GRHL2: variants seen among roughly 807,000 people sequenced by gnomAD.
The protein encoded by GRHL2 is grainyhead-like protein 2 homolog.
In GRHL2, 21 loss-of-function variants were observed where a neutral mutation model predicts 83.8. The observed-to-expected ratio is 0.25, with a 90% CI of 0.18 to 0.36. The LOEUF (loss-of-function observed/expected upper bound fraction) is 0.36, where lower values mean the gene tolerates loss of function less well. Ranked by LOEUF, GRHL2 falls within the 10% of genes least tolerant of loss-of-function variation. The probability of loss-of-function intolerance (pLI) is 1.00; values close to 1 mark genes in which losing one functional copy is unlikely to be tolerated. For synonymous variants in GRHL2, 280 were observed against 278.9 expected (o/e 1.00, Z -0.04); for missense variants, 623 against 781.8 (o/e 0.80, Z 2.42).
chr8:101,532,716 T>G (rs945606548), intron 1 of GRHL2, among the ~76,000 whole-genome samples: 2 of 148,910 alleles, frequency 1.3e-5, no homozygotes, highest in African/African-American at 2.5e-5. Context: ...ATCATGCCAC[T>G]GCACTCCAGC....
chr8:101,512,152 C>CA (rs1257254124), intron 1 of GRHL2, among the ~76,000 whole-genome samples: 16 of 141,154 alleles, frequency 1.1e-4, no homozygotes, highest in Admixed American at 2.1e-4. Flanking sequence ...GTTATTTTGC[C>CA]TTTTTTTTTT....
chr8:101,603,070 G>A, intron 8 of GRHL2, among the ~76,000 whole-genome samples: 1 of 151,430 alleles, frequency 6.6e-6, no homozygotes, highest in East Asian at 1.9e-4. Context: ...CTTTCAAGAT[G>A]TTTAAAAAAA....
chr8:101,603,332 AT>A (rs1439829256), intron 8 of GRHL2, among the ~76,000 whole-genome samples: 1 of 152,006 alleles, frequency 6.6e-6, no homozygotes, highest in Non-Finnish European at 1.5e-5. Context: ...TGATGCATTT[AT>A]TTAAAAAACA....
Position 101,619,589 on chromosome 8 carries a change from G to T in GRHL2, c.1149G>T (p.Gly383=). 6 of 1,613,580 alleles carry T rather than the reference G, an allele frequency of 3.7e-6. No homozygotes were observed. The highest frequency in any genetic ancestry group is 5.1e-6 in the Non-Finnish European group (6 of 1,179,678). ...GCACAGATTTCTCCTCCCAAAAAGG[G>T]GTGAAAGGACTTCCTTTGATGATTC... is the stretch of plus-strand genomic sequence containing the variant. ...CLSTDFSSQK[G]VKGLPLMIQI... is the part of the protein sequence containing the mutation. The change falls in exon 9 of 16, where the codon GGG becomes GGT. Residue 383 remains glycine (G), a synonymous_variant. Coordinates refer to ENST00000646743, the MANE Select transcript of GRHL2 (RefSeq NM_024915.4).
At chr8:101,532,347 C>T (rs922466) in intron 1 of GRHL2, among the ~76,000 whole-genome samples, 76,329 of 152,038 alleles carry the variant, frequency 0.5, 19,585 homozygotes, top group Non-Finnish European at 0.53. Flanking sequence ...GGTCATTTTT[C>T]TGCTAGGGAG....
intron 7 of GRHL2, among the ~76,000 whole-genome samples, chr8:101,579,576 A>G (rs1812005274): frequency 6.6e-6 from 1 of 152,226 alleles, no homozygotes; most frequent in Admixed American, 6.5e-5. Context: ...TCAATGAGAC[A>G]TGAATTTTCT....
chr8:101,587,869 A>G (rs552612399), intron 7 of GRHL2, among the ~76,000 whole-genome samples: 3 of 152,346 alleles, frequency 2.0e-5, no homozygotes, highest in Admixed American at 6.5e-5. Context: ...GTGGCCTTCA[A>G]TAGAAACAAA....
intron 1 of GRHL2, among the ~76,000 whole-genome samples, chr8:101,502,321 A>G (rs1034023091): frequency 1.3e-5 from 2 of 152,290 alleles, no homozygotes; most frequent in South Asian, 4.2e-4. Context: ...AGCAGGGGCC[A>G]TGAACATTAG....
intron 4 of GRHL2, among the ~76,000 whole-genome samples, chr8:101,559,351 T>TGCAA (rs1285229771): frequency 2.7e-3 from 51 of 19,226 alleles, no homozygotes; most frequent in African/African-American, 4.8e-3. Context: ...CTACTAAAAA[T>TGCAA]ACAAAAAAAA....
intron 1 of GRHL2, among the ~76,000 whole-genome samples, chr8:101,540,188 T>A (rs902865420): frequency 6.6e-6 from 1 of 152,262 alleles, no homozygotes; most frequent in Non-Finnish European, 1.5e-5. Context: ...ATTTGCAAAG[T>A]ACTATGCAGT....
At chr8:101,501,950 G>C (rs892809231) in intron 1 of GRHL2, among the ~76,000 whole-genome samples, 8 of 151,990 alleles carry the variant, frequency 5.3e-5, no homozygotes, top group Non-Finnish European at 1.5e-5. Context: ...CCATGAACGT[G>C]AGTCTGTGAA....
chr8:101,501,024 G>A (rs561526501), intron 1 of GRHL2, among the ~76,000 whole-genome samples: 1 of 152,310 alleles, frequency 6.6e-6, no homozygotes, highest in South Asian at 2.1e-4. Context: ...AGCACCTTTT[G>A]ATTTGCCACA....
intron 14 of GRHL2, among the ~76,000 whole-genome samples, chr8:101,661,908 A>C (rs1232679034): frequency 6.6e-6 from 1 of 152,224 alleles, no homozygotes; most frequent in East Asian, 1.9e-4. Flanking sequence ...ATTTCTGTCC[A>C]GGAAGTTCCA....
chr8:101,497,377 T>C (rs1288615193), intron 1 of GRHL2, among the ~76,000 whole-genome samples: 6 of 152,256 alleles, frequency 3.9e-5, no homozygotes, highest in African/African-American at 1.4e-4. Flanking sequence ...CTATAAACTA[T>C]ATCCATCAGA....
chr8:101,596,897 T>G (rs1313797400), intron 7 of GRHL2, among the ~76,000 whole-genome samples: 1 of 152,208 alleles, frequency 6.6e-6, no homozygotes, highest in African/African-American at 2.4e-5. Context: ...AACATGTAGT[T>G]TGGCTTTAAA....
downstream of GRHL2, chr8:101,669,757 G>A (rs1419446475): frequency 3.9e-5 from 6 of 152,204 alleles, no homozygotes; most frequent in Non-Finnish European, 8.8e-5. Flanking sequence ...TGTGCAGCCA[G>A]TGTTGGGGAT....
intron 11 of GRHL2, among the ~76,000 whole-genome samples, chr8:101,633,664 A>G (rs2130403652): frequency 6.6e-6 from 1 of 152,328 alleles, no homozygotes; most frequent in African/African-American, 2.4e-5. Flanking sequence ...TTGTTGGATA[A>G]GAACAAGGAC....
chr8:101,558,480 G>A lies in GRHL2; in HGVS notation c.346G>A (p.Val116Ile). ...NLSGGENRVQ[V>I]LKTVPVNLSL... Reference sequence around the variant, plus strand: ...GAGTGGAGGAGAAAACCGAGTGCAAGTCCTAAAGACTGTTCCAGTGAACCT... The same window carrying A: ...GAGTGGAGGAGAAAACCGAGTGCAAATCCTAAAGACTGTTCCAGTGAACCT... The change falls in exon 4 of 16, where the codon GTC becomes ATC. Residue 116 changes from valine (V) to isoleucine (I), a missense_variant. Physicochemically the swap from Val to Ile is conservative, Grantham distance 29. Coordinates refer to ENST00000646743, the MANE Select transcript of GRHL2 (RefSeq NM_024915.4). 3.1e-6 allele frequency: 5 copies of A among 1,614,184 alleles called. No homozygotes were observed. The highest frequency in any genetic ancestry group is 3.4e-6 in the Non-Finnish European group (4 of 1,180,018).
intron 1 of GRHL2, among the ~76,000 whole-genome samples, chr8:101,509,137 C>T (rs867952264): frequency 4.7e-4 from 25 of 52,794 alleles, no homozygotes; most frequent in African/African-American, 9.8e-4. Flanking sequence ...TTCCTTCCTT[C>T]CTTCCTTCCT....
Sources: gnomAD v4.1 joint callset for allele counts (sites outside exome capture counted in the v4.1 genomes callset) on GRCh38, gnomAD v4.1.1 for gene constraint, MANE v1.5 for transcripts, NCBI Gene and HGNC (gene_info 2026-07-23, HGNC 2026-07-21) for gene names.